GUCY1A2: variants seen among roughly 807,000 people sequenced by gnomAD.
GUCY1A2 encodes guanylate cyclase soluble subunit alpha-2.
A neutral mutation model predicts 63.5 loss-of-function variants in GUCY1A2; 27 were observed. The ratio of observed to expected loss-of-function variants is 0.43; its 90% CI spans 0.31 to 0.59. The LOEUF (loss-of-function observed/expected upper bound fraction) is 0.59. GUCY1A2 is among the 20% of genes least tolerant of loss of function. GUCY1A2 has a pLI of 0.11. For missense variants in GUCY1A2, 768 were observed against 913.3 expected, an observed-to-expected ratio of 0.84 and a Z score of 2.05; for synonymous variants, 364 against 343.5, an observed-to-expected ratio of 1.06 and a Z score of -0.66.
At chr11:106,782,730 C>A (rs1290090296) in intron 5 of GUCY1A2, among the ~76,000 whole-genome samples, 1 of 151,308 alleles carries the variant, frequency 6.6e-6, no homozygotes, top group African/African-American at 2.4e-5. Context: ...GCGGTCTGCA[C>A]AAGAATATCC....
At chr11:106,696,007 C>A (rs1051124166) in intron 7 of GUCY1A2, among the ~76,000 whole-genome samples, 2 of 152,058 alleles carry the variant, frequency 1.3e-5, no homozygotes, top group African/African-American at 4.8e-5. Context: ...TTTTCTGCAA[C>A]CCACCCCAGG....
intron 6 of GUCY1A2, among the ~76,000 whole-genome samples, chr11:106,709,126 GA>G (rs1862975751): frequency 8.7e-6 from 1 of 114,456 alleles, no homozygotes; most frequent in African/African-American, 3.0e-5. Context: ...TCCCATCAGA[GA>G]AGGATATAGT....
chr11:106,771,184 C>T (rs912135434), intron 6 of GUCY1A2, among the ~76,000 whole-genome samples: 5 of 151,962 alleles, frequency 3.3e-5, no homozygotes, highest in Admixed American at 2.0e-4. Flanking sequence ...AATCCTTGAC[C>T]CAACTTCCCT....
rs575257485 is a variant in GUCY1A2 at position 106,827,923 on chromosome 11, G to A, written c.1207-17445C>T. 1.0e-4 allele frequency: 135 copies of A among 1,316,770 alleles called. No homozygotes were observed. The African/African-American group carries it at 1.8e-3, about 17-fold the overall frequency. The allele number at this position is 1,316,770 out of a possible 1,614,324, so 81.6% of individuals were successfully genotyped here. ...GACTCCCAGTGGTTTACTGAATATCGCGGCGGAACAGCGAGACTCTGGACT... is the reference window on the plus strand; with the variant it reads ...GACTCCCAGTGGTTTACTGAATATCACGGCGGAACAGCGAGACTCTGGACT... On this transcript the variant is annotated intron_variant, in intron 4 of 7. Coordinates refer to ENST00000526355, the MANE Select transcript of GUCY1A2 (RefSeq NM_000855.3).
At chr11:106,929,864 C>T (rs1171317022) in intron 4 of GUCY1A2, among the ~76,000 whole-genome samples, 1 of 152,020 alleles carries the variant, frequency 6.6e-6, no homozygotes, top group African/African-American at 2.4e-5. Context: ...TATATGATAA[C>T]TATTTAAATA....
chr11:106,809,758 T>C (rs1486268798), intron 5 of GUCY1A2, among the ~76,000 whole-genome samples: 1 of 151,816 alleles, frequency 6.6e-6, no homozygotes, highest in Admixed American at 6.6e-5. Flanking sequence ...AGTAGCTATA[T>C]AGAATTTTTC....
At chr11:106,932,192 G>A (rs532271257) in intron 4 of GUCY1A2, among the ~76,000 whole-genome samples, 1 of 151,972 alleles carries the variant, frequency 6.6e-6, no homozygotes, top group African/African-American at 2.4e-5. Flanking sequence ...ATCTCCAATA[G>A]GAGGTACCTC....
chr11:106,774,819 TCTG>T (rs1384922952), intron 6 of GUCY1A2, among the ~76,000 whole-genome samples: 1 of 152,214 alleles, frequency 6.6e-6, no homozygotes. Context: ...CTATGTCTAA[TCTG>T]CTTTTAAACT....
chr11:106,959,602 T>G (rs1432622387), intron 3 of GUCY1A2, among the ~76,000 whole-genome samples: 2 of 152,218 alleles, frequency 1.3e-5, no homozygotes, highest in Non-Finnish European at 2.9e-5. Context: ...AAGATCCACC[T>G]GCCTCCGCAA....
At chr11:106,973,424 T>G (rs1288466383) in intron 3 of GUCY1A2, among the ~76,000 whole-genome samples, 1 of 152,128 alleles carries the variant, frequency 6.6e-6, no homozygotes, top group East Asian at 1.9e-4. Flanking sequence ...CAATCCTAGT[T>G]TCTAAACTGA....
intron 3 of GUCY1A2, among the ~76,000 whole-genome samples, chr11:106,968,630 C>T (rs1411463228): frequency 1.3e-5 from 2 of 152,054 alleles, no homozygotes; most frequent in African/African-American, 4.8e-5. Context: ...TGGAGGTTCT[C>T]CCTCCATTCC....
chr11:106,866,061 A>T (rs1859588253), intron 4 of GUCY1A2, among the ~76,000 whole-genome samples: 1 of 151,976 alleles, frequency 6.6e-6, no homozygotes, highest in South Asian at 2.1e-4. Flanking sequence ...TATAATATTC[A>T]CTTATGCTTT....
chr11:106,856,305 G>A (rs1423334792), intron 4 of GUCY1A2, among the ~76,000 whole-genome samples: 6 of 152,066 alleles, frequency 3.9e-5, no homozygotes, highest in East Asian at 1.9e-4. Flanking sequence ...AAGAAAAAAC[G>A]TGTTAGCTAG....
At chr11:106,809,954 T>C (rs780738032) in intron 5 of GUCY1A2, 39 bp downstream of exon 5, 6 of 1,315,842 alleles carry the variant, frequency 4.6e-6, no homozygotes, top group Admixed American at 4.3e-5. Context: ...CAATTTACTA[T>C]TAAAAAACAT....
At chr11:106,953,472 C>T (rs1044322514) in intron 3 of GUCY1A2, among the ~76,000 whole-genome samples, 1 of 152,002 alleles carries the variant, frequency 6.6e-6, no homozygotes, top group Admixed American at 6.6e-5. Context: ...GGGATATTGG[C>T]CTGAAGTTTT....
chr11:106,864,383 C>T (rs556307246), intron 4 of GUCY1A2, among the ~76,000 whole-genome samples: 2 of 152,104 alleles, frequency 1.3e-5, no homozygotes, highest in South Asian at 4.1e-4. Context: ...ATTTGACTTC[C>T]TCTCTTCCTA....
chr11:106,969,196 A>C (rs147862379), intron 3 of GUCY1A2, among the ~76,000 whole-genome samples: 1 of 152,304 alleles, frequency 6.6e-6, no homozygotes, highest in East Asian at 1.9e-4. Context: ...CATCAGATTA[A>C]TTTAAATAAA....
intron 6 of GUCY1A2, among the ~76,000 whole-genome samples, chr11:106,727,830 C>T (rs1454830073): frequency 2.2e-4 from 33 of 152,084 alleles, no homozygotes; most frequent in Non-Finnish European, 2.9e-5. Flanking sequence ...CTTACCTGGC[C>T]AATCACACTA....
intron 3 of GUCY1A2, among the ~76,000 whole-genome samples, chr11:106,971,596 A>G (rs1385313530): frequency 6.6e-6 from 1 of 152,198 alleles, no homozygotes; most frequent in East Asian, 1.9e-4. Context: ...GGGAAAGGTT[A>G]GAATGATCCA....
Sources: allele counts gnomAD v4.1 joint callset (sites outside exome capture counted in the v4.1 genomes callset), GRCh38; gene constraint gnomAD v4.1.1; transcripts MANE v1.5; gene names NCBI Gene and HGNC (gene_info 2026-07-23, HGNC 2026-07-21).